Variants in CEP85L observed in about 807,000 individuals in gnomAD.
The protein encoded by CEP85L is centrosomal protein of 85 kDa-like.
In CEP85L, 60 loss-of-function variants were observed where a neutral mutation model predicts 100.3. That is an observed-to-expected ratio of 0.60 (90% confidence interval 0.49 to 0.74). The LOEUF (loss-of-function observed/expected upper bound fraction) is 0.74. CEP85L is among the 30% of genes least tolerant of loss of function. The probability of loss-of-function intolerance (pLI) is 0.00; values close to 1 mark genes in which losing one functional copy is unlikely to be tolerated. For missense variants in CEP85L, 973 were observed against 936.2 expected, an observed-to-expected ratio of 1.04 and a Z score of -0.51; for synonymous variants, 319 against 322.7, an observed-to-expected ratio of 0.99 and a Z score of 0.12.
chr6:118,572,075 C>T (rs1483820942), intron 2 of CEP85L, among the ~76,000 whole-genome samples: 4 of 151,962 alleles, frequency 2.6e-5, no homozygotes, highest in African/African-American at 7.3e-5. Context: ...AGGCTGGTCT[C>T]GAACTCCCAA....
At chr6:118,498,957 G>A (rs531242664) in intron 5 of CEP85L, among the ~76,000 whole-genome samples, 3 of 152,320 alleles carry the variant, frequency 2.0e-5, no homozygotes, top group East Asian at 1.9e-4. Flanking sequence ...CAGAAAGACA[G>A]CTGGGAAATC....
intron 12 of CEP85L, among the ~76,000 whole-genome samples, chr6:118,466,485 C>CA (rs1772529388): frequency 6.6e-6 from 1 of 152,044 alleles, no homozygotes; most frequent in African/African-American, 2.4e-5. Context: ...CCACTATATA[C>CA]AAGTTGCAGT....
chr6:118,600,298 G>GTGTGT lies in CEP85L; in HGVS notation c.232+32154_232+32155insACACA, dbSNP rs1781672559. ...TACTGCCTGTCCCTGAGCCTTCCTG[G>GTGTGT]GGGTGTGTGTGTGTGTGTGTGTGTG... On this transcript the variant is annotated intron_variant, in intron 2 of 12. Transcript: ENST00000368491. Among the ~76,000 whole-genome samples the GTGTGT allele has an allele frequency of 3.7e-3, 221 of 59,174 alleles. 45 individuals carry two copies. Among genetic ancestry groups the GTGTGT allele is most frequent in the African/African-American group, 0.01 (176 of 17,392 alleles). 38.8% of individuals were successfully genotyped at this position (59,174 alleles called of 152,430 possible).
At chr6:118,620,292 G>T (rs1773353254) in intron 2 of CEP85L, among the ~76,000 whole-genome samples, 1 of 152,122 alleles carries the variant, frequency 6.6e-6, no homozygotes, top group East Asian at 1.9e-4. Context: ...ATTAAACCTG[G>T]TGACCTTGGT....
chr6:118,658,234 G>T (rs1562345096), intron 1 of CEP85L, among the ~76,000 whole-genome samples: 1 of 151,738 alleles, frequency 6.6e-6, no homozygotes, highest in Admixed American at 6.6e-5. Flanking sequence ...TTTTTTTCTG[G>T]TCATAAAAAT....
chr6:118,570,898 A>G (rs1779846936), intron 2 of CEP85L, among the ~76,000 whole-genome samples: 1 of 152,096 alleles, frequency 6.6e-6, no homozygotes, highest in Admixed American at 6.5e-5. Context: ...AGCTTAGTCT[A>G]CTGACATACA....
intron 1 of CEP85L, among the ~76,000 whole-genome samples, chr6:118,669,617 C>T (rs867142602): frequency 6.6e-6 from 1 of 152,100 alleles, no homozygotes; most frequent in African/African-American, 2.4e-5. Flanking sequence ...ACACCAGTCA[C>T]TTTGTGAAAA....
chr6:118,632,592 T>C lies in CEP85L; in HGVS notation c.93A>G (p.Ala31=), dbSNP rs9320659. 34,572 of 1,610,714 alleles carry C rather than the reference T, an allele frequency of 0.021. 498 individuals carry two copies. Among genetic ancestry groups the C allele is most frequent in the African/African-American group, 0.058 (4,313 of 74,980 alleles). Residue 31 remains alanine, a synonymous_variant, in exon 2 of 13, where the codon GCA becomes GCG. Coordinates refer to ENST00000368491, the MANE Select transcript of CEP85L (RefSeq NM_001042475.3). ...ACAATGATTCATTAGCAGGTAGCCA[T>C]GCTGATGAATAATCTGGGCCTAAAA... The part of the protein sequence containing the change: ...SFPAGPDYSS[A]WLPANESLWQ...
At chr6:118,656,471 G>A (rs762580295), upstream of CEP85L, among the ~76,000 whole-genome samples, 2 of 152,178 alleles carry the variant, frequency 1.3e-5, no homozygotes, top group South Asian at 2.1e-4. Context: ...CTGCAGAGAT[G>A]AGACAGTGGA....
At position 118,586,527 on chromosome 6, in the gene CEP85L, C is replaced by T. The variant is rs112140618; in HGVS notation, c.233-20211G>A. Among the ~76,000 whole-genome samples the T allele has an allele frequency of 1.6e-4, 24 of 152,200 alleles. 1 individual carries two copies. The highest frequency in any genetic ancestry group is 5.8e-4 in the African/African-American group (24 of 41,510). ...GGGCCTCACACTGTTCTTCTTCCAA[C>T]TCCCCCAACAATAAAAGGTACAGGA... On this transcript the variant is annotated intron_variant, in intron 2 of 12. Coordinates refer to ENST00000368491, the MANE Select transcript of CEP85L (RefSeq NM_001042475.3).
At chr6:118,598,509 G>C (rs1468684961) in intron 2 of CEP85L, among the ~76,000 whole-genome samples, 1 of 152,182 alleles carries the variant, frequency 6.6e-6, no homozygotes, top group Middle Eastern at 3.2e-3. Context: ...TATATGGAGA[G>C]AGAAAAGATA....
chr6:118,692,744 T>A (rs1321120404), intron 1 of CEP85L, among the ~76,000 whole-genome samples: 11 of 62,884 alleles, frequency 1.7e-4, no homozygotes, highest in South Asian at 4.9e-4. Context: ...GTGAGCTAGT[T>A]AAGGGCAGAA....
chr6:118,708,042 G>A (rs1777659316), intron 1 of CEP85L, among the ~76,000 whole-genome samples: 2 of 152,006 alleles, frequency 1.3e-5, no homozygotes, highest in Non-Finnish European at 2.9e-5. Context: ...GACTTCAACC[G>A]ACAAACCTAC....
chr6:118,537,110 TCTA>T (rs1777640254), intron 3 of CEP85L, among the ~76,000 whole-genome samples: 1 of 152,192 alleles, frequency 6.6e-6, no homozygotes. Flanking sequence ...GCTATGCTGT[TCTA>T]CTTAGAATTT....
At chr6:118,525,052 T>G (rs906403524) in intron 3 of CEP85L, among the ~76,000 whole-genome samples, 1 of 152,204 alleles carries the variant, frequency 6.6e-6, no homozygotes. Flanking sequence ...ATAAATTCCT[T>G]TCCAATCACC....
chr6:118,677,728 G>A (rs1776525204), intron 1 of CEP85L, among the ~76,000 whole-genome samples: 1 of 152,096 alleles, frequency 6.6e-6, no homozygotes, highest in African/African-American at 2.4e-5. Context: ...GTGATACCAA[G>A]ATGTATCCCT....
chr6:118,495,893 C>A (rs937938406), intron 5 of CEP85L, among the ~76,000 whole-genome samples: 1 of 152,170 alleles, frequency 6.6e-6, no homozygotes, highest in African/African-American at 2.4e-5. Context: ...TCAATGTTAA[C>A]AAGGCAACAA....
chr6:118,523,663 G>C (rs1776790715), intron 4 of CEP85L, 139 bp downstream of exon 4: 3 of 469,530 alleles, frequency 6.4e-6, no homozygotes, highest in African/African-American at 6.0e-5. Flanking sequence ...GATTGGGATT[G>C]AGGAGGGGCA....
At chr6:118,481,477 T>C (rs1195516971) in intron 8 of CEP85L, among the ~76,000 whole-genome samples, 5 of 152,032 alleles carry the variant, frequency 3.3e-5, no homozygotes, top group African/African-American at 1.2e-4. Context: ...TGTGTCAAAA[T>C]CCAAAACTTT....
Sources: gnomAD v4.1 joint callset for allele counts (sites outside exome capture counted in the v4.1 genomes callset) on GRCh38, gnomAD v4.1.1 for gene constraint, MANE v1.5 for transcripts, NCBI Gene and HGNC (gene_info 2026-07-23, HGNC 2026-07-21) for gene names.